The following ATG4A variants were observed in gnomAD, a reference collection of about 807,000 sequenced individuals.
ATG4A encodes the protein cysteine protease ATG4A.
In ATG4A, 22 loss-of-function variants were observed where a neutral mutation model predicts 38.4. That is an observed-to-expected ratio of 0.57 (90% CI 0.41 to 0.82). The LOEUF is 0.82. Among genes scored for constraint, ATG4A ranks in the 40% least tolerant of loss-of-function variants. The probability of loss-of-function intolerance (pLI) is 0.00; values close to 1 mark genes in which losing one functional copy is unlikely to be tolerated. For synonymous variants in ATG4A, 86 were observed against 100.7 expected, an observed-to-expected ratio of 0.85 and a Z score of 0.88; for missense variants, 220 against 290.0, an observed-to-expected ratio of 0.76 and a Z score of 1.75.
intron 1 of ATG4A, among the ~76,000 whole-genome samples, chrX:108,094,882 T>G (rs1483001972): frequency 8.9e-6 from 1 of 112,768 alleles, no homozygotes; most frequent in Non-Finnish European, 1.9e-5. Context: ...CTGCTGGAAC[T>G]GTAGTCTGAA....
chrX:108,108,471 A>G (rs1390411704), intron 1 of ATG4A, among the ~76,000 whole-genome samples: 1 of 111,093 alleles, frequency 9.0e-6, no homozygotes, highest in Non-Finnish European at 1.9e-5. Context: ...TATAAAAGTG[A>G]TAACTTAATG....
intron 1 of ATG4A, among the ~76,000 whole-genome samples, chrX:108,115,066 C>T (rs17320227): frequency 0.036 from 3,926 of 108,377 alleles, 79 homozygotes; most frequent in Middle Eastern, 0.07. Context: ...TCTGAGGCCC[C>T]TAACTGCTTG....
intron 9 of ATG4A, among the ~76,000 whole-genome samples, chrX:108,141,122 G>A (rs2033282978): frequency 1.3e-5 from 1 of 78,878 alleles, no homozygotes; most frequent in African/African-American, 5.1e-5. Context: ...CTAAGGAATG[G>A]TGCCATATTG....
At chrX:108,103,114 G>T (rs745420021) in intron 1 of ATG4A, among the ~76,000 whole-genome samples, 1 of 111,292 alleles carries the variant, frequency 9.0e-6, no homozygotes, top group Non-Finnish European at 1.9e-5. Context: ...ATGTTAGTTA[G>T]TTGAGGATGA....
At chrX:108,132,798 G>GA (rs1336061229) in intron 4 of ATG4A, among the ~76,000 whole-genome samples, 856 of 71,151 alleles carry the variant, frequency 0.012, 3 homozygotes, top group Middle Eastern at 0.04. Context: ...GAGCAAACTG[G>GA]AAAAAAAAAA....
At chrX:108,094,288 G>T (rs1422451897) in intron 1 of ATG4A, among the ~76,000 whole-genome samples, 2 of 111,731 alleles carry the variant, frequency 1.8e-5, no homozygotes, top group African/African-American at 6.5e-5. Context: ...TTTGCATGTG[G>T]ATGTAGAAAT....
upstream of ATG4A, chrX:108,091,704 C>A (rs769318521): frequency 2.0e-6 from 2 of 1,001,294 alleles, no homozygotes; most frequent in African/African-American, 1.9e-5. Flanking sequence ...GGCAGGGAGG[C>A]GCCTTTGCTG....
intron 1 of ATG4A, among the ~76,000 whole-genome samples, chrX:108,109,144 A>G (rs1023744955): frequency 1.8e-5 from 2 of 111,868 alleles, no homozygotes; most frequent in Admixed American, 1.9e-4. Flanking sequence ...CAGGGGTTCT[A>G]ATTTCTCCAT....
intron 3 of ATG4A, among the ~76,000 whole-genome samples, chrX:108,129,746 A>G (rs1460573437): frequency 1.9e-5 from 2 of 107,824 alleles, no homozygotes; most frequent in South Asian, 4.0e-4. Context: ...AATTTTTTGT[A>G]TTTTTAGTAG....
chrX:108,120,367 G>C (rs906925160), intron 1 of ATG4A, among the ~76,000 whole-genome samples: 1 of 111,959 alleles, frequency 8.9e-6, no homozygotes, highest in East Asian at 2.8e-4. Flanking sequence ...GGCAAAAAGA[G>C]GCAGCAATTC....
intron 1 of ATG4A, 25 bp from the exon 2 acceptor site, chrX:108,126,052 A>G: frequency 9.5e-7 from 1 of 1,051,696 alleles, no homozygotes; most frequent in Non-Finnish European, 1.3e-6. Flanking sequence ...ATTAAATTTT[A>G]CTTGTTTCTT....
intron 1 of ATG4A, among the ~76,000 whole-genome samples, chrX:108,103,150 T>C (rs1243128872): frequency 1.8e-5 from 2 of 111,848 alleles, no homozygotes; most frequent in Admixed American, 9.5e-5. Context: ...TCCATGTCCC[T>C]GCAAAGGACA....
intron 9 of ATG4A, among the ~76,000 whole-genome samples, chrX:108,140,297 T>C (rs1299832645): frequency 9.0e-6 from 1 of 110,837 alleles, no homozygotes; most frequent in Non-Finnish European, 1.9e-5. Context: ...AGTTCTTTAA[T>C]ACCCCAAGAC....
intron 1 of ATG4A, among the ~76,000 whole-genome samples, chrX:108,113,085 C>G (rs757653042): frequency 2.7e-5 from 3 of 111,180 alleles, no homozygotes; most frequent in Non-Finnish European, 5.7e-5. Context: ...TTTACCTTCT[C>G]TAGTCCATTT....
At chrX:108,117,571 T>C (rs1260815523) in intron 1 of ATG4A, among the ~76,000 whole-genome samples, 1 of 111,408 alleles carries the variant, frequency 9.0e-6, no homozygotes, top group Non-Finnish European at 1.9e-5. Context: ...GAAGGAGTAA[T>C]GAGTAATGGG....
chrX:108,117,533 T>C (rs1480666942), intron 1 of ATG4A, among the ~76,000 whole-genome samples: 3 of 111,799 alleles, frequency 2.7e-5, no homozygotes, highest in Admixed American at 1.9e-4. Flanking sequence ...TCATGTGTTT[T>C]ATTTTGACTG....
At chrX:108,122,450 G>A (rs761650477) in intron 1 of ATG4A, among the ~76,000 whole-genome samples, 2 of 111,773 alleles carry the variant, frequency 1.8e-5, no homozygotes, top group Non-Finnish European at 3.8e-5. Flanking sequence ...ATGTTGATAA[G>A]ACCAGTGAGC....
At chrX:108,114,611 GT>G (rs758644283) in intron 1 of ATG4A, among the ~76,000 whole-genome samples, 8 of 112,517 alleles carry the variant, frequency 7.1e-5, no homozygotes, top group Non-Finnish European at 1.3e-4. Context: ...ACCACAAGTG[GT>G]TTTGCTCCAC....
chrX:108,138,119 T>TTTAAGATGC lies in ATG4A; in HGVS notation c.743_751dup (p.Met250_Pro251insLeuLysMet). 8.3e-7 allele frequency: 1 copy of TTTAAGATGC among 1,209,838 alleles called. No homozygotes were observed. The highest frequency in any genetic ancestry group is 1.1e-6 in the Non-Finnish European group (1 of 893,813). On this transcript the variant is annotated inframe_insertion, in exon 9 of 13. Transcript: ENST00000372232. ...GCATTGTCTTTCTCTCCAGGAGTGT[T>TTTAAGATGC]TTAAGATGCCACAGTCTTTAGGGGC...
Sources: gnomAD v4.1 joint callset for allele counts (sites outside exome capture counted in the v4.1 genomes callset) on GRCh38, gnomAD v4.1.1 for gene constraint, MANE v1.5 for transcripts, NCBI Gene and HGNC (gene_info 2026-07-23, HGNC 2026-07-21) for gene names.